Variants in XYLT1 observed in about 807,000 individuals in gnomAD.
XYLT1 encodes beta-D-xylosyltransferase 1.
Under a neutral mutation model 91.3 loss-of-function variants are expected in XYLT1, and 36 were observed. That is an observed-to-expected ratio of 0.39 (90% CI 0.30 to 0.52). XYLT1 has a LOEUF of 0.52. XYLT1 is among the 20% of genes least tolerant of loss of function. XYLT1 has a pLI of 0.68. For missense variants in XYLT1, 1,242 were observed against 1,284.5 expected, an observed-to-expected ratio of 0.97 and a Z score of 0.51; for synonymous variants, 588 against 532.0, an observed-to-expected ratio of 1.11 and a Z score of -1.45.
In XYLT1 at chr16:17,198,399, G is replaced by T; in HGVS notation, c.1102C>A (p.His368Asn). 6.2e-7 allele frequency: 1 copy of T among 1,614,138 alleles called. No homozygotes were observed. Residue 368 changes from histidine (H) to asparagine (N), a missense_variant, in exon 5 of 12, where the codon CAT (histidine) becomes AAT (asparagine). By Grantham distance (68) the His-to-Asn change is moderately conservative (BLOSUM62 1). Around this residue, in one of 3 missense-constraint regions of XYLT1, gnomAD observed 294 missense variants for 376.0 expected, o/e 0.78. Coordinates refer to ENST00000261381, the MANE Select transcript of XYLT1 (RefSeq NM_022166.4). The part of the protein sequence containing the change: ...IHVDKRSNYL[H>N]RQVLQVSRQY... ...CTGGAGACCTGGAGCACTTGCCGAT[G>T]CAGGTAATTAGAGCGCTTTTCCCAG... is the stretch of plus-strand genomic sequence containing the variant.
At chr16:17,173,053 AC>A (rs987875401) in intron 5 of XYLT1, among the ~76,000 whole-genome samples, 1 of 151,148 alleles carries the variant, frequency 6.6e-6, no homozygotes, top group African/African-American at 2.4e-5. Flanking sequence ...AAACAAACAA[AC>A]AAAAAAAACC....
chr16:17,198,083 T>C (rs557513517), intron 5 of XYLT1, 129 bp downstream of exon 5: 2 of 932,524 alleles, frequency 2.1e-6, no homozygotes, highest in South Asian at 3.2e-5. Flanking sequence ...TCAGGTCCAA[T>C]CAGAATCCTA....
intron 2 of XYLT1, among the ~76,000 whole-genome samples, chr16:17,291,424 G>T (rs1376706429): frequency 1.3e-5 from 2 of 152,212 alleles, no homozygotes; most frequent in African/African-American, 4.8e-5. Context: ...AGGCCCAGGG[G>T]TCCTGCCCAC....
At chr16:17,254,996 C>CTTTTTTTTTTTTTTTTTTTTTTTTTT (rs34553607) in intron 3 of XYLT1, among the ~76,000 whole-genome samples, 1 of 113,352 alleles carries the variant, frequency 8.8e-6, no homozygotes, top group African/African-American at 3.6e-5. Flanking sequence ...TTTTCTTTTT[C>CTTTTTTTTTTTTTTTTTTTTTTTTTT]TTTTTTTTTT....
chr16:17,260,666 G>T (rs1596454145), intron 2 of XYLT1, among the ~76,000 whole-genome samples: 1 of 152,150 alleles, frequency 6.6e-6, no homozygotes, highest in South Asian at 2.1e-4. Context: ...AACTGCCTGT[G>T]TTTTTTATAA....
chr16:17,463,561 A>T (rs2141961909), intron 1 of XYLT1, among the ~76,000 whole-genome samples: 1 of 152,346 alleles, frequency 6.6e-6, no homozygotes, highest in South Asian at 2.1e-4. Context: ...TATCAAGAAG[A>T]CAAAAAATAA....
intron 6 of XYLT1, among the ~76,000 whole-genome samples, chr16:17,144,943 T>C (rs1037680984): frequency 2.6e-5 from 4 of 152,198 alleles, no homozygotes; most frequent in East Asian, 3.9e-4. Context: ...TCATTAACAA[T>C]GTTGTCCAAC....
intron 2 of XYLT1, among the ~76,000 whole-genome samples, chr16:17,262,243 T>C (rs1596454960): frequency 6.6e-6 from 1 of 152,216 alleles, no homozygotes; most frequent in Non-Finnish European, 1.5e-5. Flanking sequence ...AGCCCTTGGA[T>C]GCAGTACCTC....
chr16:17,343,659 T>C (rs1271719659), intron 2 of XYLT1, among the ~76,000 whole-genome samples: 1 of 152,050 alleles, frequency 6.6e-6, no homozygotes, highest in East Asian at 1.9e-4. Context: ...TTTGTAGAGA[T>C]GGTCTTGTTA....
intron 1 of XYLT1, among the ~76,000 whole-genome samples, chr16:17,464,494 A>G (rs1338286422): frequency 2.0e-5 from 3 of 148,502 alleles, no homozygotes; most frequent in African/African-American, 7.3e-5. Context: ...TGTCTCAAAA[A>G]AAAAAAAAAA....
intron 1 of XYLT1, among the ~76,000 whole-genome samples, chr16:17,438,109 C>T (rs1212089551): frequency 6.6e-6 from 1 of 152,148 alleles, no homozygotes; most frequent in Non-Finnish European, 1.5e-5. Context: ...TCCAAAACCA[C>T]TAAGGGGCCC....
chr16:17,259,271 C>CCCAGGGAATGTATGTCCTTTT lies in XYLT1; in HGVS notation c.609_629dup (p.His206_Gly212dup), dbSNP rs1285768180. On this transcript the variant is annotated inframe_insertion, in exon 3 of 12. Transcript: ENST00000261381. ...GAGGCAGCACCTCACCGGGGCCTTT[C>CCCAGGGAATGTATGTCCTTTT]CCAGGGAATGTATGTCCTTTTCCTT... 9 of 1,613,974 alleles carry CCCAGGGAATGTATGTCCTTTT rather than the reference C, an allele frequency of 5.6e-6. No homozygotes were observed. Among genetic ancestry groups the CCCAGGGAATGTATGTCCTTTT allele is most frequent in the Non-Finnish European group, 6.8e-6 (8 of 1,180,034 alleles).
intron 11 of XYLT1, among the ~76,000 whole-genome samples, chr16:17,116,166 G>C (rs74012942): frequency 0.057 from 8,605 of 152,118 alleles, 800 homozygotes; most frequent in African/African-American, 0.19. Context: ...TGAGCAGGGA[G>C]AAAGACTTTC....
intron 1 of XYLT1, among the ~76,000 whole-genome samples, chr16:17,411,231 TGA>T (rs1216210544): frequency 1.3e-5 from 2 of 152,326 alleles, no homozygotes; most frequent in African/African-American, 4.8e-5. Context: ...ACTTGTAATA[TGA>T]GTTTGTACAA....
In XYLT1 at chr16:17,392,574, G is replaced by A. The variant is rs1006462985; in HGVS notation, c.364-34524C>T. Among the ~76,000 whole-genome samples the A allele has an allele frequency of 1.4e-4, 21 of 152,152 alleles. No homozygotes were observed. In the South Asian group the frequency reaches 3.3e-3, roughly 24 times the overall value. On this transcript the variant is annotated intron_variant, in intron 1 of 11. Transcript: ENST00000261381. The stretch of plus-strand genomic sequence containing the variant: ...TTTATTGAATGAATAAACGACCATC[G>A]GAAGGAGAAAGGAAACCCCTTCTCT...
intron 2 of XYLT1, among the ~76,000 whole-genome samples, chr16:17,267,601 G>A (rs1441473431): frequency 6.6e-6 from 1 of 152,180 alleles, no homozygotes; most frequent in Non-Finnish European, 1.5e-5. Context: ...AGTAGAGACG[G>A]GGTTTCACCA....
chr16:17,305,257 C>T (rs932741976), intron 2 of XYLT1, among the ~76,000 whole-genome samples: 5 of 152,068 alleles, frequency 3.3e-5, no homozygotes, highest in African/African-American at 2.4e-5. Flanking sequence ...CAATGTGAGC[C>T]TAAGACTACA....
intron 5 of XYLT1, chr16:17,193,249 C>T (rs2032358203): frequency 6.6e-6 from 1 of 152,214 alleles, no homozygotes; most frequent in Admixed American, 6.5e-5. Context: ...CATTTATCAA[C>T]CACTTTCTGT....
chr16:17,156,939 G>A (rs1029870181), intron 6 of XYLT1, among the ~76,000 whole-genome samples: 4 of 134,444 alleles, frequency 3.0e-5, no homozygotes, highest in Admixed American at 8.0e-5. Context: ...AGGATTCTAG[G>A]GTTACTTTTT....
Sources: allele counts gnomAD v4.1 joint callset (sites outside exome capture counted in the v4.1 genomes callset), GRCh38; gene constraint gnomAD v4.1.1; regional missense constraint gnomAD v4.1.1; transcripts MANE v1.5; gene names NCBI Gene and HGNC (gene_info 2026-07-23, HGNC 2026-07-21).